Variants in GUCA1B observed in about 807,000 individuals in gnomAD.
GUCA1B encodes the protein guanylate cyclase activator 1B.
GUCA1B carries 22 observed loss-of-function variants against 24.2 expected under a neutral mutation model. That is an observed-to-expected ratio of 0.91 (90% CI 0.65 to 1.30). The LOEUF (loss-of-function observed/expected upper bound fraction) is 1.30, where lower values mean the gene tolerates loss of function less well. Ranked by LOEUF, GUCA1B falls within the 50% of genes most tolerant of loss-of-function variation. GUCA1B has a pLI of 0.00. For synonymous variants in GUCA1B, 100 were observed against 97.9 expected (o/e 1.02, Z -0.13); for missense variants, 221 against 258.8 (o/e 0.85, Z 1.00).
At chr6:42,193,190 T>A (rs991643617) in intron 1 of GUCA1B, among the ~76,000 whole-genome samples, 20 of 152,180 alleles carry the variant, frequency 1.3e-4, no homozygotes, top group African/African-American at 4.8e-4. Flanking sequence ...AAAACATTGA[T>A]GAACATCATA....
chr6:42,189,211 C>T (rs544076850), intron 1 of GUCA1B, among the ~76,000 whole-genome samples: 1 of 152,308 alleles, frequency 6.6e-6, no homozygotes, highest in East Asian at 1.9e-4. Context: ...TGCTCTCTCC[C>T]TCCTCATTCT....
chr6:42,184,332 CTG>C lies in GUCA1B; in HGVS notation c.*481_*482del. ...GGTCTCGATCTCCTGACCTCGTGATCTGCCCGCCTCGGCCTCCCAAAGTGCTG... is the reference window on the plus strand; with the variant it reads ...GGTCTCGATCTCCTGACCTCGTGATCCCCGCCTCGGCCTCCCAAAGTGCTG... On this transcript the variant is annotated 3_prime_UTR_variant, in exon 4 of 4. Transcript: ENST00000230361. 1 of 219,448 alleles carries C rather than the reference CTG, an allele frequency of 4.6e-6. No homozygotes were observed. The highest frequency in any genetic ancestry group is 7.3e-5 in the South Asian group (1 of 13,746). The allele number at this position is 219,448 out of a possible 1,614,324, so 13.6% of individuals were successfully genotyped here. A position where few individuals can be genotyped will look rare whatever the true frequency, so the allele number is the denominator to read the frequency against.
chr6:42,185,390 T>C (rs149961779), intron 3 of GUCA1B, among the ~76,000 whole-genome samples: 72 of 152,320 alleles, frequency 4.7e-4, no homozygotes, highest in Non-Finnish European at 4.7e-4. Flanking sequence ...GATGAGGAAA[T>C]TGAGACTAGG....
chr6:42,186,765 C>T (rs147101106), intron 2 of GUCA1B, among the ~76,000 whole-genome samples: 8 of 152,262 alleles, frequency 5.3e-5, no homozygotes, highest in African/African-American at 9.6e-5. Context: ...GCCTCATCGA[C>T]GTGTCTTGGG....
At position 42,194,555 on chromosome 6, in the gene GUCA1B, C is replaced by T. The variant is rs77678121; in HGVS notation, c.207+59G>A. Reference sequence around the variant, plus strand: ...GAACTGGGAGCTCTCCCTGAGGACACTTGTGGAGGAAGGCGCCAGGTGGAC... The same window carrying T: ...GAACTGGGAGCTCTCCCTGAGGACATTTGTGGAGGAAGGCGCCAGGTGGAC... On this transcript the variant is annotated intron_variant, in intron 1 of 3. Coordinates refer to ENST00000230361, the MANE Select transcript of GUCA1B (RefSeq NM_002098.6). 5.7e-3 allele frequency: 6,067 copies of T among 1,062,334 alleles called. 214 individuals are homozygous for T. In the African/African-American group the frequency reaches 0.082, roughly 14 times the overall value. The allele number at this position is 1,062,334 out of a possible 1,614,324, so 65.8% of individuals were successfully genotyped here.
rs775369676 is a variant in GUCA1B, at chr6:42,194,615, C to T, written c.206G>A (p.Gly69Glu). Reference protein sequence around the residue: ...EGMFRAFDKNGDNTIDFLEYV... With the variant: ...EGMFRAFDKNEDNTIDFLEYV... The stretch of plus-strand genomic sequence containing the variant: ...GTCCTTCCCTTCAGGGTGCCTTACC[C>T]CATTCTTGTCGAAGGCTCGGAACAT... Residue 69 changes from glycine to glutamate, a missense_variant and splice_region_variant, in exon 1 of 4, where the codon GGG (glycine) becomes GAG (glutamate). Physicochemically the swap from Gly to Glu is moderately conservative, Grantham distance 98 (BLOSUM62 -2). Transcript: ENST00000230361. 5 of 1,603,662 alleles carry T rather than the reference C, an allele frequency of 3.1e-6. No individual in the cohort carries two copies. Among genetic ancestry groups the T allele is most frequent in the Middle Eastern group, 3.3e-4 (2 of 6,062 alleles).
chr6:42,185,585 G>T, intron 3 of GUCA1B, 95 bp downstream of exon 3: 1 of 763,990 alleles, frequency 1.3e-6, no homozygotes, highest in Non-Finnish European at 2.3e-6. Flanking sequence ...AGGACCCCAG[G>T]GTTGGAAGGT....
chr6:42,188,912 C>CTATCTATCTATCTATCTATCT (rs60440417), intron 1 of GUCA1B, among the ~76,000 whole-genome samples, 181 bp from the exon 2 acceptor site: 3 of 85,104 alleles, frequency 3.5e-5, no homozygotes, highest in African/African-American at 1.5e-4. Context: ...ATATCTATAT[C>CTATCTATCTATCTATCTATCT]ATCTCTCTCT....
intron 1 of GUCA1B, among the ~76,000 whole-genome samples, chr6:42,191,071 A>C (rs569844156): frequency 5.3e-5 from 8 of 152,318 alleles, no homozygotes; most frequent in Non-Finnish European, 1.0e-4. Flanking sequence ...GGACCTTGTC[A>C]GCTCCAATTA....
intron 1 of GUCA1B, 149 bp downstream of exon 1, chr6:42,194,465 G>A (rs917358942): frequency 4.4e-6 from 3 of 677,950 alleles, no homozygotes; most frequent in Non-Finnish European, 8.1e-6. Context: ...GGTTTGGTGA[G>A]TGAGACAGAA....
At chr6:42,186,096 G>A (rs1768187309) in intron 2 of GUCA1B, among the ~76,000 whole-genome samples, 1 of 152,168 alleles carries the variant, frequency 6.6e-6, no homozygotes, top group Admixed American at 6.5e-5. Context: ...GGAGGTTTAA[G>A]TCACCATGAC....
Position 42,185,711 on chromosome 6 carries a change from C to T in GUCA1B, c.444G>A (p.Arg148=). 2 of 1,608,078 alleles carry T rather than the reference C, an allele frequency of 1.2e-6. No individual in the cohort carries two copies. Among genetic ancestry groups the T allele is most frequent in the East Asian group, 2.2e-5 (1 of 44,862 alleles). ...QLLTPEEVVD[R]IFLLVDENGD... ...CATTCTCATCCACCAGGAGGAAGAT[C>T]CTGTCCACGACCTCCTCGGGTGTGA... The change falls in exon 3 of 4, where the codon AGG becomes AGA. Residue 148 remains arginine, a synonymous_variant. Coordinates refer to ENST00000230361, the MANE Select transcript of GUCA1B (RefSeq NM_002098.6).
chr6:42,193,955 C>G lies in GUCA1B; in HGVS notation c.207+659G>C, dbSNP rs573557008. 2.0e-5 allele frequency among the ~76,000 whole-genome samples: 3 copies of G among 152,152 alleles called. No homozygotes were observed. The South Asian group carries it at 6.2e-4, about 32-fold the overall frequency. ...CTGAATTGAAATTTAAAATTCAATCCCCTGGTGCATTTACAAGATGTGTTA... is the reference window on the plus strand; with the variant it reads ...CTGAATTGAAATTTAAAATTCAATCGCCTGGTGCATTTACAAGATGTGTTA... On this transcript the variant is annotated intron_variant, in intron 1 of 3. Coordinates refer to ENST00000230361, the MANE Select transcript of GUCA1B (RefSeq NM_002098.6).
intron 2 of GUCA1B, among the ~76,000 whole-genome samples, chr6:42,186,218 G>C (rs529765485): frequency 6.6e-6 from 1 of 152,316 alleles, no homozygotes; most frequent in African/African-American, 2.4e-5. Context: ...GGATACACAT[G>C]TTCCCTCCTC....
intron 1 of GUCA1B, among the ~76,000 whole-genome samples, chr6:42,192,875 G>C (rs576132336): frequency 6.6e-6 from 1 of 152,168 alleles, no homozygotes; most frequent in East Asian, 1.9e-4. Flanking sequence ...GCGAGACTCT[G>C]TCTCAAAAAC....
At chr6:42,192,049 A>G (rs569582408) in intron 1 of GUCA1B, among the ~76,000 whole-genome samples, 46 of 96,900 alleles carry the variant, frequency 4.7e-4, no homozygotes, top group Admixed American at 2.2e-3. Flanking sequence ...AAAAAAAAAA[A>G]AAGAAAAAAA....
At position 42,184,113 on chromosome 6, in the gene GUCA1B, C is replaced by T. The variant is rs1304799905; in HGVS notation, c.*702G>A. Among the ~76,000 whole-genome samples, 2 of 149,264 alleles carry T rather than the reference C, an allele frequency of 1.3e-5. No homozygotes were observed. The highest frequency in any genetic ancestry group is 6.7e-5 in the Admixed American group (1 of 15,006). The stretch of plus-strand genomic sequence containing the variant: ...TTTCTTTCTTTTTTTTTTTTTGAGA[C>T]GGAGTCTCACTGTCGTCCAGGCTGG... On this transcript the variant is annotated 3_prime_UTR_variant, in exon 4 of 4. Coordinates refer to ENST00000230361, the MANE Select transcript of GUCA1B (RefSeq NM_002098.6).
Position 42,187,567 on chromosome 6 carries a change from C to T in GUCA1B, c.357+1015G>A, listed in dbSNP as rs186721864. On this transcript the variant is annotated intron_variant, in intron 2 of 3. Coordinates refer to ENST00000230361, the MANE Select transcript of GUCA1B (RefSeq NM_002098.6). ...TTTGGAGTAGCTGGGACCACAGGTG[C>T]GTACCACCACGCCCAGCTAATTTTT... Among the ~76,000 whole-genome samples the T allele has an allele frequency of 5.3e-5, 8 of 150,882 alleles. No individual in the cohort carries two copies. In the East Asian group the frequency reaches 6.0e-4, roughly 11 times the overall value.
rs1582336424 is a variant in GUCA1B at position 42,194,842 on chromosome 6, G to C, written c.-22C>G. On this transcript the variant is annotated 5_prime_UTR_variant, in exon 1 of 4. Transcript: ENST00000230361. ...CCATGCTAGCCCTGAGGAGCATCAG[G>C]GAGCAAGGGTCTGTATCTCCTCCCT... 3 of 1,521,366 alleles carry C rather than the reference G, an allele frequency of 2.0e-6. No individual in the cohort carries two copies. The highest frequency in any genetic ancestry group is 2.7e-6 in the Non-Finnish European group (3 of 1,120,576). The allele number at this position is 1,521,366 out of a possible 1,614,324, so 94.2% of individuals were successfully genotyped here. A position where few individuals can be genotyped will look rare whatever the true frequency, so the allele number is the denominator to read the frequency against.
Sources: gnomAD v4.1 joint callset for allele counts (sites outside exome capture counted in the v4.1 genomes callset) on GRCh38, gnomAD v4.1.1 for gene constraint, MANE v1.5 for transcripts, NCBI Gene and HGNC (gene_info 2026-07-23, HGNC 2026-07-21) for gene names.